The following SLC25A48 variants were observed in gnomAD, a reference collection of about 807,000 sequenced individuals.
The protein encoded by SLC25A48 is solute carrier family 25 member 48.
Under a neutral mutation model 32.2 loss-of-function variants are expected in SLC25A48, and 29 were observed. The ratio of observed to expected loss-of-function variants is 0.90; its 90% CI spans 0.67 to 1.23. The LOEUF (loss-of-function observed/expected upper bound fraction) is 1.23. Ranked by LOEUF, SLC25A48 falls within the 50% of genes most tolerant of loss-of-function variation. The pLI, the probability that SLC25A48 is intolerant of heterozygous loss-of-function variation, is 0.00. For synonymous variants in SLC25A48, 164 were observed against 172.3 expected, an observed-to-expected ratio of 0.95 and a Z score of 0.38; for missense variants, 399 against 422.7, an observed-to-expected ratio of 0.94 and a Z score of 0.49.
intron 3 of SLC25A48, among the ~76,000 whole-genome samples, chr5:135,729,113 C>T (rs374581380): frequency 5.9e-5 from 9 of 152,178 alleles, no homozygotes; most frequent in African/African-American, 1.7e-4. Flanking sequence ...CTCTGGGGGC[C>T]GCTCTTCCTT....
chr5:135,768,612 T>C (rs1349495884), intron 3 of SLC25A48, among the ~76,000 whole-genome samples: 2 of 151,634 alleles, frequency 1.3e-5, no homozygotes, highest in African/African-American at 2.4e-5. Context: ...ATACTCCCAA[T>C]GTCGCAGGGA....
In SLC25A48 at chr5:135,883,494, A is replaced by G. The variant is rs10069133; in HGVS notation, c.*7+3397A>G. The G allele has an allele frequency of 1.2e-3, 1,136 of 984,908 alleles. 4 individuals are homozygous for G. The African/African-American group carries it at 0.019, about 16-fold the overall frequency. The allele number at this position is 984,908 out of a possible 1,614,324, so 61.0% of individuals were successfully genotyped here. On this transcript the variant is annotated intron_variant, in intron 7 of 7. Transcript: ENST00000681962. ...CAGATGCCTCTGCCTAGCTTCCAAG[A>G]GGCACCTGGCCACTGTCATTCCTCT...
At chr5:135,593,744 T>C (rs907100042) in intron 1 of SLC25A48, among the ~76,000 whole-genome samples, 1 of 152,236 alleles carries the variant, frequency 6.6e-6, no homozygotes, top group Non-Finnish European at 1.5e-5. Context: ...TTATGGATCT[T>C]GGAGATGTAA....
chr5:135,650,830 C>A (rs1324502503), intron 3 of SLC25A48, among the ~76,000 whole-genome samples: 1 of 152,018 alleles, frequency 6.6e-6, no homozygotes, highest in Non-Finnish European at 1.5e-5. Flanking sequence ...GGCAGAGGAG[C>A]TCATTTTTTG....
At chr5:135,594,695 A>C (rs1280724224) in intron 1 of SLC25A48, among the ~76,000 whole-genome samples, 1 of 152,110 alleles carries the variant, frequency 6.6e-6, no homozygotes, top group East Asian at 1.9e-4. Context: ...GGCAGCAAGG[A>C]TGTCATTGTT....
chr5:135,619,730 T>C (rs1044038091), intron 1 of SLC25A48, among the ~76,000 whole-genome samples: 4 of 152,196 alleles, frequency 2.6e-5, no homozygotes, highest in Non-Finnish European at 5.9e-5. Flanking sequence ...TGTTCAATAC[T>C]GTAGTCTGTA....
chr5:135,620,151 G>T (rs1300172623), intron 1 of SLC25A48, among the ~76,000 whole-genome samples: 8 of 152,208 alleles, frequency 5.3e-5, no homozygotes, highest in Middle Eastern at 3.2e-3. Flanking sequence ...GCTTGGACAG[G>T]TAGGTCCCCA....
At chr5:135,823,156 G>A (rs964050872) in intron 4 of SLC25A48, among the ~76,000 whole-genome samples, 6 of 152,058 alleles carry the variant, frequency 3.9e-5, no homozygotes, top group South Asian at 2.1e-4. Flanking sequence ...GGTGGGAGTC[G>A]GGAAGGCCAG....
At chr5:135,800,095 C>A (rs2126641529) in intron 3 of SLC25A48, among the ~76,000 whole-genome samples, 1 of 151,486 alleles carries the variant, frequency 6.6e-6, no homozygotes, top group South Asian at 2.1e-4. Context: ...GTTTCTAATA[C>A]CCAGGTGGAA....
chr5:135,858,577 C>G (rs1001654443), intron 4 of SLC25A48, among the ~76,000 whole-genome samples: 1 of 152,194 alleles, frequency 6.6e-6, no homozygotes, highest in Non-Finnish European at 1.5e-5. Context: ...TATGGGGAGA[C>G]TGAGGAACAA....
In SLC25A48 at chr5:135,834,869, G is replaced by A. The variant is rs369200536; in HGVS notation, c.22G>A (p.Asp8Asn). Residue 8 changes from aspartate (D) to asparagine (N), a missense_variant, in exon 1 of 8, where the codon GAC becomes AAC. Transcript: ENST00000681962. Reference protein sequence around the residue: MGSFQLEDFAAGWIGGAA... With the variant: MGSFQLENFAAGWIGGAA... ...GGCCATGGGAAGCTTCCAGCTGGAA[G>A]ACTTTGCGGCGGGCTGGATCGGAGG... The A allele has an allele frequency of 2.0e-5, 32 of 1,605,616 alleles. No homozygotes were observed. The highest frequency in any genetic ancestry group is 2.5e-5 in the Non-Finnish European group (30 of 1,176,956).
At chr5:135,790,408 C>T (rs966086249) in intron 3 of SLC25A48, among the ~76,000 whole-genome samples, 7 of 151,828 alleles carry the variant, frequency 4.6e-5, no homozygotes, top group Non-Finnish European at 1.0e-4. Flanking sequence ...AGTTGTTACT[C>T]TTAATGTCAC....
At chr5:135,611,196 G>T (rs1053428333) in intron 1 of SLC25A48, among the ~76,000 whole-genome samples, 5 of 152,028 alleles carry the variant, frequency 3.3e-5, no homozygotes, top group African/African-American at 1.2e-4. Context: ...TAAATGCTAC[G>T]GTGCAAAGAA....
At chr5:135,757,308 A>G (rs952169861) in intron 3 of SLC25A48, among the ~76,000 whole-genome samples, 1 of 149,710 alleles carries the variant, frequency 6.7e-6, no homozygotes, top group Non-Finnish European at 1.5e-5. Context: ...CTATGATATT[A>G]ATAAAATATC....
chr5:135,724,820 C>G (rs186444310), intron 3 of SLC25A48, among the ~76,000 whole-genome samples: 1 of 152,324 alleles, frequency 6.6e-6, no homozygotes, highest in East Asian at 1.9e-4. Context: ...CAGGCTGGTG[C>G]CATCATGTAA....
At chr5:135,790,651 C>A (rs1235336338) in intron 3 of SLC25A48, among the ~76,000 whole-genome samples, 1 of 150,866 alleles carries the variant, frequency 6.6e-6, no homozygotes, top group Non-Finnish European at 1.5e-5. Context: ...GGGTGTACAT[C>A]CTGTGTTATT....
intron 3 of SLC25A48, among the ~76,000 whole-genome samples, chr5:135,637,984 T>C (rs1752744493): frequency 6.6e-6 from 1 of 152,234 alleles, no homozygotes; most frequent in Non-Finnish European, 1.5e-5. Flanking sequence ...ACTTTTCTCC[T>C]TATTTTCCAC....
At chr5:135,706,056 C>A (rs1003766858) in intron 3 of SLC25A48, among the ~76,000 whole-genome samples, 1 of 152,182 alleles carries the variant, frequency 6.6e-6, no homozygotes, top group South Asian at 2.1e-4. Context: ...TCGGCCCAAC[C>A]CTTTCTTTTC....
At chr5:135,717,624 G>C (rs920093851) in intron 3 of SLC25A48, among the ~76,000 whole-genome samples, 1 of 152,158 alleles carries the variant, frequency 6.6e-6, no homozygotes, top group Non-Finnish European at 1.5e-5. Flanking sequence ...GCTACACAAC[G>C]CACAGGGAAA....
Sources: allele counts gnomAD v4.1 joint callset (sites outside exome capture counted in the v4.1 genomes callset), GRCh38; gene constraint gnomAD v4.1.1; transcripts MANE v1.5; gene names NCBI Gene and HGNC (gene_info 2026-07-23, HGNC 2026-07-21).